DPP6: variants seen among roughly 807,000 people sequenced by gnomAD.
DPP6 encodes the protein dipeptidyl peptidase like 6, also known as A-type potassium channel modulatory protein DPP6.
A neutral mutation model predicts 122.6 loss-of-function variants in DPP6; 69 were observed. The ratio of observed to expected loss-of-function variants is 0.56; its 90% CI spans 0.46 to 0.69. The LOEUF is 0.69. Ranked by LOEUF, DPP6 falls within the 30% of genes least tolerant of loss-of-function variation. The pLI is 0.00. For synonymous variants in DPP6, 418 were observed against 433.1 expected, an observed-to-expected ratio of 0.97 and a Z score of 0.43; for missense variants, 928 against 1,116.9, an observed-to-expected ratio of 0.83 and a Z score of 2.41.
intron 1 of DPP6, among the ~76,000 whole-genome samples, chr7:153,928,396 A>ATTTCTTTTTTTTTTTTTTT (rs1801011431): frequency 2.3e-5 from 1 of 43,672 alleles, no homozygotes; most frequent in Non-Finnish European, 4.4e-5. Context: ...CTTTTCTTTC[A>ATTTCTTTTTTTTTTTTTTT]TTTTTTTTTT....
chr7:154,565,087 A>C (rs1830659858), intron 4 of DPP6, among the ~76,000 whole-genome samples: 2 of 152,348 alleles, frequency 1.3e-5, no homozygotes, highest in South Asian at 4.1e-4. Flanking sequence ...TTGCTTAGGC[A>C]CAACTCATGG....
At position 153,983,202 on chromosome 7, in the gene DPP6, C is replaced by T. The variant is rs1272857523; in HGVS notation, c.51+95468C>T. Among the ~76,000 whole-genome samples, 11 of 152,234 alleles carry T rather than the reference C, an allele frequency of 7.2e-5. No homozygotes were observed. In the East Asian group the frequency reaches 1.9e-3, roughly 27 times the overall value. On this transcript the variant is annotated intron_variant, in intron 1 of 25. Coordinates refer to the DPP6 transcript ENST00000404039. Reference sequence around the variant, plus strand: ...GGGAGATGGGAGTTTTATCTATATGCCCCTGACTGGGGCTGCTGCCTTTCT... The same window carrying T: ...GGGAGATGGGAGTTTTATCTATATGTCCCTGACTGGGGCTGCTGCCTTTCT...
At chr7:154,499,850 G>T (rs1322240839) in intron 3 of DPP6, among the ~76,000 whole-genome samples, 2 of 152,020 alleles carry the variant, frequency 1.3e-5, no homozygotes, top group African/African-American at 4.8e-5. Context: ...TCACTGGGAG[G>T]ACTCATAAGA....
rs533815230 is a variant in DPP6, at chr7:154,262,533, G to T, written c.244-183681G>T. Among the ~76,000 whole-genome samples the T allele has an allele frequency of 3.9e-5, 6 of 151,974 alleles. No homozygotes were observed. In the East Asian group the frequency reaches 1.2e-3, roughly 29 times the overall value. On this transcript the variant is annotated intron_variant, in intron 1 of 25. Coordinates refer to ENST00000377770, the MANE Select transcript of DPP6 (RefSeq NM_130797.4). ...CCAGCCCAGCCGGCTCCTTGATCTC[G>T]GGCTTTCGGCCTCCAGAACTGTGAG... is the stretch of plus-strand genomic sequence containing the variant.
chr7:154,239,992 TAAAAAAAAAAAAAAAAAAAAA>T (rs763543397), intron 1 of DPP6, among the ~76,000 whole-genome samples: 5,148 of 50,330 alleles, frequency 0.1, 574 homozygotes, highest in South Asian at 0.18. Flanking sequence ...ATGCTGTCTT[TAAAAAAAAAAAAAAAAAAAAA>T]AAAAAAAAAA....
At chr7:153,999,589 G>A (rs1043727993) in intron 1 of DPP6, among the ~76,000 whole-genome samples, 1 of 152,154 alleles carries the variant, frequency 6.6e-6, no homozygotes, top group African/African-American at 2.4e-5. Context: ...TGAAGGATAA[G>A]TCCTTAAGGC....
rs1828495917 is a variant in DPP6 at position 154,539,049 on chromosome 7, T to TA, written c.458-1480dup. On this transcript the variant is annotated intron_variant, in intron 3 of 25. Coordinates refer to ENST00000377770, the MANE Select transcript of DPP6 (RefSeq NM_130797.4). ...TTTCCTCATAAAATCTACACATACT[T>TA]AAATTATAACAACTCTGCTTTTGAA... Among the ~76,000 whole-genome samples the TA allele has an allele frequency of 2.6e-5, 4 of 152,338 alleles. No homozygotes were observed. In the South Asian group the frequency reaches 8.3e-4, roughly 32 times the overall value.
intron 1 of DPP6, among the ~76,000 whole-genome samples, chr7:153,928,935 C>T (rs933918388): frequency 4.6e-5 from 7 of 152,008 alleles, no homozygotes; most frequent in African/African-American, 1.2e-4. Flanking sequence ...CCCCGCACGT[C>T]GATTCAGAGA....
intron 1 of DPP6, among the ~76,000 whole-genome samples, chr7:153,959,328 C>A (rs1316826739): frequency 1.3e-5 from 2 of 152,042 alleles, no homozygotes; most frequent in African/African-American, 4.8e-5. Flanking sequence ...TGGGTTGAAT[C>A]TCCCTTGCTC....
chr7:154,431,442 CTTTCTTTTCT>C (rs372693484), intron 1 of DPP6, among the ~76,000 whole-genome samples: 14,915 of 120,746 alleles, frequency 0.12, 1,674 homozygotes, highest in Middle Eastern at 0.16. Context: ...TTTTTCTTTC[CTTTCTTTTCT>C]TTTCTTTTCT....
chr7:154,012,017 G>C (rs576741489), intron 1 of DPP6, among the ~76,000 whole-genome samples: 1 of 152,166 alleles, frequency 6.6e-6, no homozygotes, highest in Non-Finnish European at 1.5e-5. Flanking sequence ...ACTTTCATAT[G>C]TAATATCTTT....
intron 1 of DPP6, among the ~76,000 whole-genome samples, chr7:153,893,106 TG>T (rs1799274811): frequency 1.3e-5 from 2 of 152,350 alleles, no homozygotes; most frequent in South Asian, 4.1e-4. Context: ...CAGCACAGGA[TG>T]TTTTATAAAA....
chr7:154,201,080 C>G (rs1309784923), intron 1 of DPP6, among the ~76,000 whole-genome samples: 2 of 152,118 alleles, frequency 1.3e-5, no homozygotes, highest in South Asian at 2.1e-4. Context: ...AGCAGAGATA[C>G]AAACTTGCAT....
At chr7:154,882,726 C>A (rs1805493916) in intron 21 of DPP6, among the ~76,000 whole-genome samples, 1 of 151,796 alleles carries the variant, frequency 6.6e-6, no homozygotes, top group Admixed American at 6.6e-5. Context: ...CCAGAGCAGG[C>A]CGCGTGGCCC....
chr7:154,172,217 A>G (rs937561005), intron 1 of DPP6, among the ~76,000 whole-genome samples: 4 of 152,184 alleles, frequency 2.6e-5, no homozygotes. Flanking sequence ...GGAGTATTCT[A>G]GAAATGAAAC....
the DPP6 span, among the ~76,000 whole-genome samples, chr7:153,769,357 C>T: frequency 0.014 from 2,128 of 151,252 alleles, no homozygotes; most frequent in African/African-American, 0.049. Flanking sequence ...ATACATCTGT[C>T]ACCTCACACA....
intron 1 of DPP6, among the ~76,000 whole-genome samples, chr7:154,267,483 C>T (rs567766901): frequency 6.7e-6 from 1 of 150,160 alleles, no homozygotes; most frequent in Non-Finnish European, 1.5e-5. Context: ...TAAACACATA[C>T]ACATGTGTAC....
intron 5 of DPP6, among the ~76,000 whole-genome samples, chr7:154,575,013 GTGGGTGGTGT>G (rs1831450276): frequency 7.0e-6 from 1 of 142,902 alleles, no homozygotes; most frequent in African/African-American, 2.6e-5. Flanking sequence ...GTGTGTGTTT[GTGGGTGGTGT>G]ATGTGTGTGG....
the DPP6 span, among the ~76,000 whole-genome samples, chr7:153,793,932 G>A: frequency 1.5e-4 from 23 of 152,308 alleles, no homozygotes; most frequent in African/African-American, 4.6e-4. Flanking sequence ...GTGTTGAGCC[G>A]GCAGGTGCAC....
Sources: gnomAD v4.1 joint callset for allele counts (sites outside exome capture counted in the v4.1 genomes callset) on GRCh38, gnomAD v4.1.1 for gene constraint, MANE v1.5 for transcripts, NCBI Gene and HGNC (gene_info 2026-07-23, HGNC 2026-07-21) for gene names.